Variants in CDH18 observed in about 807,000 individuals in gnomAD.
CDH18 encodes cadherin-18.
A neutral mutation model predicts 67.9 loss-of-function variants in CDH18; 31 were observed. The ratio of observed to expected loss-of-function variants is 0.46; its 90% CI spans 0.34 to 0.62. CDH18 has a LOEUF of 0.62. Among genes scored for constraint, CDH18 ranks in the 20% least tolerant of loss-of-function variants. CDH18 has a pLI of 0.01. For missense variants in CDH18, 890 were observed against 975.5 expected (o/e 0.91, Z 1.17); for synonymous variants, 362 against 347.2 (o/e 1.04, Z -0.48).
chr5:19,619,548 T>C (rs72739131), intron 5 of CDH18, among the ~76,000 whole-genome samples: 8,769 of 152,246 alleles, frequency 0.058, 288 homozygotes, highest in Non-Finnish European at 0.074. Flanking sequence ...TATTGGACAG[T>C]GCACAAATTT....
intron 5 of CDH18, among the ~76,000 whole-genome samples, chr5:19,663,393 G>T (rs1757456793): frequency 6.6e-6 from 1 of 151,854 alleles, no homozygotes; most frequent in Admixed American, 6.6e-5. Context: ...TTGTAATAAT[G>T]ATCAAATCTT....
chr5:20,571,486 T>G (rs1758816048), intron 1 of CDH18, among the ~76,000 whole-genome samples: 1 of 152,096 alleles, frequency 6.6e-6, no homozygotes, highest in African/African-American at 2.4e-5. Context: ...AAAATCTAAT[T>G]TTGTGAAAAA....
At position 19,929,559 on chromosome 5, in the gene CDH18, T is replaced by C. The variant is rs558501247; in HGVS notation, c.-257+51501A>G. Reference sequence around the variant, plus strand: ...TCAGAGTATTTTCATACCCTTGCAATTGGCTTTGTCAAACAATTTTTAATT... The same window carrying C: ...TCAGAGTATTTTCATACCCTTGCAACTGGCTTTGTCAAACAATTTTTAATT... On this transcript the variant is annotated intron_variant, in intron 2 of 12. Transcript: ENST00000382275. 7.9e-5 allele frequency among the ~76,000 whole-genome samples: 12 copies of C among 152,218 alleles called. No individual in the cohort carries two copies. In the East Asian group the frequency reaches 1.4e-3, roughly 17 times the overall value.
intron 1 of CDH18, among the ~76,000 whole-genome samples, chr5:20,556,739 TAAG>T (rs1226291333): frequency 3.3e-5 from 5 of 152,180 alleles, no homozygotes; most frequent in Admixed American, 2.0e-4. Context: ...AGCTTAAAAT[TAAG>T]AAGGTGTTAA....
chr5:19,906,268 C>A (rs1164035292), intron 2 of CDH18, among the ~76,000 whole-genome samples: 1 of 151,706 alleles, frequency 6.6e-6, no homozygotes, highest in Non-Finnish European at 1.5e-5. Context: ...TAAAAAGGAG[C>A]CTTCGAATAA....
intron 2 of CDH18, among the ~76,000 whole-genome samples, chr5:20,096,267 A>C (rs866626674): frequency 6.6e-6 from 1 of 152,278 alleles, no homozygotes; most frequent in Middle Eastern, 3.4e-3. Context: ...ACAGACCAAA[A>C]ATATCTTTAA....
At position 19,729,461 on chromosome 5, in the gene CDH18, A is replaced by C. The variant is rs970362946; in HGVS notation, c.524-7995T>G. Reference sequence around the variant, plus strand: ...TCTCATATACACTATTACTTGACCCAGTCAAGATCTGCTGAATCTTGTTTA... The same window carrying C: ...TCTCATATACACTATTACTTGACCCCGTCAAGATCTGCTGAATCTTGTTTA... On this transcript the variant is annotated intron_variant, in intron 4 of 12. Transcript: ENST00000382275. Among the ~76,000 whole-genome samples the C allele has an allele frequency of 4.6e-5, 7 of 152,324 alleles. No individual in the cohort carries two copies. The East Asian group carries it at 1.2e-3, about 25-fold the overall frequency.
intron 1 of CDH18, among the ~76,000 whole-genome samples, chr5:20,488,298 T>C (rs900961733): frequency 3.9e-5 from 6 of 152,078 alleles, no homozygotes; most frequent in African/African-American, 1.4e-4. Flanking sequence ...AAAAGTACAA[T>C]CAAGTTAAAA....
At chr5:20,024,316 C>A (rs1208872855) in intron 2 of CDH18, among the ~76,000 whole-genome samples, 1 of 152,098 alleles carries the variant, frequency 6.6e-6, no homozygotes. Context: ...ATATGGCTCC[C>A]AGGTGTCTGG....
intron 1 of CDH18, among the ~76,000 whole-genome samples, chr5:20,292,819 C>T (rs1482862103): frequency 6.6e-6 from 1 of 152,148 alleles, no homozygotes; most frequent in Non-Finnish European, 1.5e-5. Context: ...GTGTGTGTTA[C>T]TTTCTGTTTC....
At chr5:20,187,355 G>A (rs552489008) in intron 2 of CDH18, among the ~76,000 whole-genome samples, 31 of 151,834 alleles carry the variant, frequency 2.0e-4, no homozygotes, top group African/African-American at 7.0e-4. Context: ...ACCTGTGTAC[G>A]TTATCTAATA....
chr5:20,415,665 C>T (rs1457993457), intron 1 of CDH18, among the ~76,000 whole-genome samples: 2 of 151,824 alleles, frequency 1.3e-5, no homozygotes, highest in African/African-American at 4.8e-5. Flanking sequence ...CCCAGCTACT[C>T]GGGAGGCTGA....
At chr5:20,173,317 T>C (rs1736988144) in intron 2 of CDH18, among the ~76,000 whole-genome samples, 1 of 152,026 alleles carries the variant, frequency 6.6e-6, no homozygotes, top group Admixed American at 6.5e-5. Flanking sequence ...AAAAAGCAAA[T>C]CTCGGAAGTC....
chr5:20,265,888 T>C (rs1431990872), intron 1 of CDH18, among the ~76,000 whole-genome samples: 1 of 152,162 alleles, frequency 6.6e-6, no homozygotes, highest in Non-Finnish European at 1.5e-5. Context: ...AGCTTTTGAA[T>C]TGGTAGCTAG....
At chr5:20,021,182 G>A (rs1173898472) in intron 2 of CDH18, among the ~76,000 whole-genome samples, 5 of 152,008 alleles carry the variant, frequency 3.3e-5, no homozygotes, top group East Asian at 1.9e-4. Flanking sequence ...GTATTTACCC[G>A]ATGCCTGTAT....
chr5:20,394,465 CCATTAA>C (rs1448597628), intron 1 of CDH18, among the ~76,000 whole-genome samples: 1 of 152,020 alleles, frequency 6.6e-6, no homozygotes, highest in Admixed American at 6.6e-5. Context: ...AGATCTGAAA[CCATTAA>C]CATTTTAGAA....
chr5:19,855,582 C>G (rs2149950649), intron 2 of CDH18, among the ~76,000 whole-genome samples: 1 of 152,248 alleles, frequency 6.6e-6, no homozygotes, highest in Non-Finnish European at 1.5e-5. Context: ...CCCCATCCCT[C>G]TGCTCACTCA....
intron 2 of CDH18, among the ~76,000 whole-genome samples, chr5:20,186,464 A>C (rs1239618775): frequency 6.6e-6 from 1 of 151,952 alleles, no homozygotes; most frequent in East Asian, 1.9e-4. Context: ...ACAACAACAA[A>C]AAATGAACAA....
At chr5:19,588,292 T>C (rs184515694) in intron 7 of CDH18, among the ~76,000 whole-genome samples, 8 of 152,192 alleles carry the variant, frequency 5.3e-5, no homozygotes, top group East Asian at 3.9e-4. Context: ...TCTTGCCTGA[T>C]TGCCCTGGCC....
Sources: gnomAD v4.1 joint callset for allele counts (sites outside exome capture counted in the v4.1 genomes callset) on GRCh38, gnomAD v4.1.1 for gene constraint, MANE v1.5 for transcripts, NCBI Gene and HGNC (gene_info 2026-07-23, HGNC 2026-07-21) for gene names.